The following ESRRG variants were observed in gnomAD, a reference collection of about 807,000 sequenced individuals.
ESRRG encodes estrogen related receptor gamma.
A neutral mutation model predicts 44.0 loss-of-function variants in ESRRG; 13 were observed. That is an observed-to-expected ratio of 0.30 (90% CI 0.19 to 0.47). ESRRG has a LOEUF of 0.47. Ranked by LOEUF, ESRRG falls within the 20% of genes least tolerant of loss-of-function variation. The pLI, the probability that ESRRG is intolerant of heterozygous loss-of-function variation, is 1.00. For missense variants in ESRRG, 395 were observed against 580.6 expected, an observed-to-expected ratio of 0.68 and a Z score of 3.29; for synonymous variants, 215 against 214.6, an observed-to-expected ratio of 1.00 and a Z score of -0.02.
chr1:216,889,475 T>G (rs2057480559), intron 2 of ESRRG, among the ~76,000 whole-genome samples: 1 of 152,252 alleles, frequency 6.6e-6, no homozygotes, highest in African/African-American at 2.4e-5. Flanking sequence ...GCATAGAAAG[T>G]GGCTGACAGC....
intron 2 of ESRRG, among the ~76,000 whole-genome samples, chr1:216,853,337 C>T (rs1467707263): frequency 2.0e-5 from 3 of 152,170 alleles, no homozygotes; most frequent in Admixed American, 6.5e-5. Flanking sequence ...AAATATCCAG[C>T]GTGGATTATG....
intron 2 of ESRRG, among the ~76,000 whole-genome samples, chr1:216,912,140 GA>G (rs1162733085): frequency 3.7e-5 from 1 of 26,982 alleles, no homozygotes; most frequent in East Asian, 1.7e-3. Flanking sequence ...GAAAAGAAAA[GA>G]AAAGAAAAGA....
intron 2 of ESRRG, among the ~76,000 whole-genome samples, chr1:216,821,390 A>G (rs1290013653): frequency 6.6e-6 from 1 of 152,090 alleles, no homozygotes; most frequent in Non-Finnish European, 1.5e-5. Flanking sequence ...ATGGTTAAAT[A>G]TTAAAAATTC....
intron 1 of ESRRG, among the ~76,000 whole-genome samples, chr1:216,995,445 A>G (rs1043798977): frequency 2.0e-5 from 3 of 152,176 alleles, no homozygotes; most frequent in African/African-American, 7.2e-5. Flanking sequence ...TCCTTAGCTT[A>G]GCCAATAAGA....
intron 2 of ESRRG, among the ~76,000 whole-genome samples, chr1:216,741,958 G>C (rs914824608): frequency 2.6e-5 from 4 of 152,002 alleles, no homozygotes; most frequent in African/African-American, 9.7e-5. Context: ...CTGTTTTTCT[G>C]CTTCTTTCTA....
chr1:216,789,173 C>T lies in ESRRG; in HGVS notation c.-13-111682G>A, dbSNP rs576771964. Among the ~76,000 whole-genome samples the T allele has an allele frequency of 5.3e-5, 8 of 152,200 alleles. No homozygotes were observed. In the South Asian group the frequency reaches 1.2e-3, roughly 24 times the overall value. On this transcript the variant is annotated intron_variant, in intron 2 of 7. Coordinates refer to the ESRRG transcript ENST00000359162. ...CAGAAGTTCTTCTGTGGGTAAAATGCTATCAAGAAGCATTGCATGCAACAG... is the reference window on the plus strand; with the variant it reads ...CAGAAGTTCTTCTGTGGGTAAAATGTTATCAAGAAGCATTGCATGCAACAG...
In ESRRG at chr1:216,825,088, G is replaced by C. The variant is rs368400107; in HGVS notation, c.-14+114494C>G. ...AGCTTCCCTTTGCCATCAGTTTCTAGTCCCACACCATAAACATCATTTCAG... is the reference window on the plus strand; with the variant it reads ...AGCTTCCCTTTGCCATCAGTTTCTACTCCCACACCATAAACATCATTTCAG... On this transcript the variant is annotated intron_variant, in intron 2 of 7. Coordinates refer to the ESRRG transcript ENST00000359162. Among the ~76,000 whole-genome samples the C allele has an allele frequency of 1.2e-3, 184 of 152,164 alleles. 8 individuals carry two copies. In the South Asian group the frequency reaches 0.036, roughly 30 times the overall value.
At chr1:217,102,082 A>G (rs914447189) in intron 1 of ESRRG, among the ~76,000 whole-genome samples, 2 of 152,232 alleles carry the variant, frequency 1.3e-5, no homozygotes, top group Non-Finnish European at 2.9e-5. Context: ...CTGGGACTAC[A>G]GGTGTGAGCC....
intron 2 of ESRRG, among the ~76,000 whole-genome samples, chr1:216,879,614 C>T (rs1020421100): frequency 6.6e-6 from 1 of 151,922 alleles, no homozygotes; most frequent in Non-Finnish European, 1.5e-5. Context: ...TTTCATTTCT[C>T]TTCTTCTTTT....
intron 5 of ESRRG, among the ~76,000 whole-genome samples, chr1:216,548,805 C>T (rs966746530): frequency 1.3e-5 from 2 of 152,072 alleles, no homozygotes; most frequent in Admixed American, 6.6e-5. Flanking sequence ...ATCTACCCTA[C>T]TTACTTTTGT....
chr1:216,991,271 G>C (rs751621097), intron 1 of ESRRG, among the ~76,000 whole-genome samples: 2 of 152,098 alleles, frequency 1.3e-5, no homozygotes, highest in Non-Finnish European at 2.9e-5. Flanking sequence ...TTGCTATAAA[G>C]AGCACTAATA....
At chr1:217,006,557 C>G (rs1190109681) in intron 1 of ESRRG, among the ~76,000 whole-genome samples, 2 of 151,970 alleles carry the variant, frequency 1.3e-5, no homozygotes. Context: ...TGCCTGGGAC[C>G]AGAAGTGTTT....
intron 3 of ESRRG, among the ~76,000 whole-genome samples, chr1:216,639,764 C>T (rs2066012420): frequency 1.3e-5 from 2 of 152,108 alleles, no homozygotes; most frequent in African/African-American, 2.4e-5. Context: ...CCTAGATACA[C>T]ATAATCTTTT....
intron 2 of ESRRG, among the ~76,000 whole-genome samples, chr1:216,825,595 C>T (rs56186542): frequency 9.2e-5 from 14 of 151,982 alleles, no homozygotes; most frequent in East Asian, 7.7e-4. Context: ...AAATGGAAGA[C>T]GAATGGGAAA....
At chr1:217,072,297 T>A (rs938036374) in intron 1 of ESRRG, among the ~76,000 whole-genome samples, 1 of 152,224 alleles carries the variant, frequency 6.6e-6, no homozygotes, top group Admixed American at 6.5e-5. Context: ...TCTTCACATA[T>A]GTTTTCTGTA....
At chr1:217,046,662 T>A (rs1052344232) in intron 1 of ESRRG, among the ~76,000 whole-genome samples, 1 of 152,030 alleles carries the variant, frequency 6.6e-6, no homozygotes. Flanking sequence ...TGCAGGAGGA[T>A]CTCTTGAGTC....
intron 3 of ESRRG, among the ~76,000 whole-genome samples, chr1:216,600,456 A>C (rs1253370733): frequency 1.3e-5 from 2 of 152,108 alleles, no homozygotes. Context: ...GGGTCAGGGG[A>C]TATTAACTCT....
chr1:217,108,580 C>A (rs2151580716), intron 1 of ESRRG, among the ~76,000 whole-genome samples: 1 of 152,040 alleles, frequency 6.6e-6, no homozygotes, highest in South Asian at 2.1e-4. Context: ...AGCACTATCC[C>A]CTTGGTGCTG....
At chr1:216,967,637 A>G (rs1049216195) in intron 1 of ESRRG, among the ~76,000 whole-genome samples, 6 of 152,190 alleles carry the variant, frequency 3.9e-5, no homozygotes, top group Non-Finnish European at 4.4e-5. Flanking sequence ...ACTATGCACT[A>G]TTGAAAGACA....
Sources: gnomAD v4.1 joint callset for allele counts (sites outside exome capture counted in the v4.1 genomes callset) on GRCh38, gnomAD v4.1.1 for gene constraint, MANE v1.5 for transcripts, NCBI Gene and HGNC (gene_info 2026-07-23, HGNC 2026-07-21) for gene names.